Variants in ATP13A4 observed in about 807,000 individuals in gnomAD.
ATP13A4 encodes probable cation-transporting ATPase 13A4.
In ATP13A4, 114 loss-of-function variants were observed where a neutral mutation model predicts 142.5. The observed-to-expected ratio is 0.80, with a 90% CI of 0.69 to 0.93. ATP13A4 has a LOEUF of 0.93. Ranked by LOEUF, ATP13A4 falls within the 40% of genes least tolerant of loss-of-function variation. ATP13A4 has a pLI of 0.00. For missense variants in ATP13A4, 1,392 were observed against 1,454.0 expected, an observed-to-expected ratio of 0.96 and a Z score of 0.69; for synonymous variants, 488 against 514.8, an observed-to-expected ratio of 0.95 and a Z score of 0.70.
chr3:193,490,071 T>C (rs1317352404), intron 6 of ATP13A4, among the ~76,000 whole-genome samples: 1 of 152,204 alleles, frequency 6.6e-6, no homozygotes, highest in Non-Finnish European at 1.5e-5. Context: ...GTTACCTTAT[T>C]AACCAGAAGT....
chr3:193,488,152 T>C (rs1184398625), intron 7 of ATP13A4, among the ~76,000 whole-genome samples: 2 of 152,082 alleles, frequency 1.3e-5, no homozygotes, highest in Non-Finnish European at 2.9e-5. Context: ...TAATCCCAGC[T>C]ACTTAGGCGG....
chr3:193,437,588 A>T (rs1040683238), intron 23 of ATP13A4, among the ~76,000 whole-genome samples: 1 of 152,048 alleles, frequency 6.6e-6, no homozygotes. Flanking sequence ...CTGAACTTCA[A>T]TTGTTTTGTT....
At chr3:193,504,642 AT>A (rs1043768189) in intron 2 of ATP13A4, among the ~76,000 whole-genome samples, 1 of 152,076 alleles carries the variant, frequency 6.6e-6, no homozygotes, top group African/African-American at 2.4e-5. Context: ...TTTATTCTAC[AT>A]TTTGCTAAAA....
intron 15 of ATP13A4, 27 bp from the exon 16 acceptor site, chr3:193,457,180 G>A: frequency 6.2e-7 from 1 of 1,612,212 alleles, no homozygotes; most frequent in Non-Finnish European, 8.5e-7. Context: ...GAAAGGAGAG[G>A]AACATGCTGA....
intron 28 of ATP13A4, 77 bp from the exon 29 acceptor site, chr3:193,407,470 T>C: frequency 1.7e-6 from 2 of 1,152,718 alleles, no homozygotes; most frequent in Admixed American, 1.8e-5. Flanking sequence ...TCACAGCATA[T>C]ATTTTCCTAG....
chr3:193,456,535 G>C (rs976006628), intron 16 of ATP13A4, among the ~76,000 whole-genome samples: 3 of 152,160 alleles, frequency 2.0e-5, no homozygotes, highest in African/African-American at 7.2e-5. Flanking sequence ...TGATCCTAAA[G>C]AAATTTGAGA....
At chr3:193,500,088 C>G (rs1051855003) in intron 3 of ATP13A4, among the ~76,000 whole-genome samples, 1 of 152,154 alleles carries the variant, frequency 6.6e-6, no homozygotes, top group Non-Finnish European at 1.5e-5. Context: ...CCTCTGGAAG[C>G]TGGTAAGAGG....
At chr3:193,466,775 T>A (rs899176860) in intron 10 of ATP13A4, among the ~76,000 whole-genome samples, 13 of 143,784 alleles carry the variant, frequency 9.0e-5, no homozygotes, top group Non-Finnish European at 1.1e-4. Flanking sequence ...GTGAAAATAG[T>A]TTATATACTG....
In ATP13A4 at chr3:193,502,389, A is replaced by G. The variant is rs192318647; in HGVS notation, c.381+104T>C. 195 of 1,349,190 alleles carry G rather than the reference A, an allele frequency of 1.4e-4. No individual in the cohort carries two copies. The East Asian group carries it at 4.4e-3, about 31-fold the overall frequency. The allele number at this position is 1,349,190 out of a possible 1,614,324, so 83.6% of individuals were successfully genotyped here. On this transcript the variant is annotated intron_variant, in intron 3 of 29. Coordinates refer to ENST00000342695, the MANE Select transcript of ATP13A4 (RefSeq NM_032279.4). ...AAAGTTCACATTTTAAATATACACTATCAAATGAGGATTGGCACAGTAGAG... is the reference window on the plus strand; with the variant it reads ...AAAGTTCACATTTTAAATATACACTGTCAAATGAGGATTGGCACAGTAGAG...
At chr3:193,560,270 G>A (rs2108736098) in intron 2 of ATP13A4, among the ~76,000 whole-genome samples, 1 of 151,928 alleles carries the variant, frequency 6.6e-6, no homozygotes, top group East Asian at 1.9e-4. Context: ...GTGCAGAGGT[G>A]CAATCATGGT....
Position 193,466,027 on chromosome 3 carries a change from C to A in ATP13A4, c.1270G>T (p.Gly424Trp). The stretch of plus-strand genomic sequence containing the variant: ...ATAAAAGAGCAAAGACAGCTTACCC[C>A]ACTAAGCACATAGACACACAGAGTA... ...IYTLCVYVLS[G>W]EPPEEVVRKA... Residue 424 changes from glycine (G) to tryptophan (W), a missense_variant and splice_region_variant, in exon 11 of 30, where the codon GGG becomes TGG. Physicochemically the swap from Gly to Trp is radical, Grantham distance 184 (BLOSUM62 -2). Coordinates refer to ENST00000342695, the MANE Select transcript of ATP13A4 (RefSeq NM_032279.4). 1 of 1,613,958 alleles carries A rather than the reference C, an allele frequency of 6.2e-7. No individual in the cohort carries two copies. The highest frequency in any genetic ancestry group is 8.5e-7 in the Non-Finnish European group (1 of 1,179,884).
chr3:193,431,520 C>T (rs1481023784), intron 25 of ATP13A4, among the ~76,000 whole-genome samples: 2 of 151,844 alleles, frequency 1.3e-5, no homozygotes, highest in South Asian at 2.1e-4. Flanking sequence ...ACTTGAAATA[C>T]TCCAAAAGTT....
At chr3:193,556,617 AAGG>A, upstream of ATP13A4, among the ~76,000 whole-genome samples, 1 of 151,816 alleles carries the variant, frequency 6.6e-6, no homozygotes, top group East Asian at 1.9e-4. Flanking sequence ...ATAAGGAGTA[AAGG>A]GTTTATGGGG....
chr3:193,437,514 T>C (rs750085129), intron 23 of ATP13A4, among the ~76,000 whole-genome samples: 3 of 152,162 alleles, frequency 2.0e-5, no homozygotes, highest in Admixed American at 6.5e-5. Flanking sequence ...TTGAATAAAA[T>C]TAATTCTAAG....
intron 2 of ATP13A4, among the ~76,000 whole-genome samples, chr3:193,561,898 C>T (rs1360504886): frequency 1.3e-5 from 2 of 152,196 alleles, no homozygotes; most frequent in African/African-American, 2.4e-5. Context: ...CTATGAAACA[C>T]GCAACCGGAC....
chr3:193,554,953 A>T (rs1335279285), upstream of ATP13A4: 1 of 1,577,974 alleles, frequency 6.3e-7, no homozygotes, highest in Non-Finnish European at 8.6e-7. Context: ...CCTTCTCTCA[A>T]CAAATGACAA....
In ATP13A4 at chr3:193,467,340, C is replaced by T. The variant is rs750178869; in HGVS notation, c.1090G>A (p.Val364Met). The change falls in exon 10 of 30, where the codon GTG (valine) becomes ATG (methionine). Residue 364 changes from valine to methionine, a missense_variant. Val to Met is a conservative substitution (Grantham distance 21). Coordinates refer to ENST00000342695, the MANE Select transcript of ATP13A4 (RefSeq NM_032279.4). ...IQAKAACSGT[V>M]RAVVLQTGFN... ...CCAGTCTGCAGTACCACGGCTCTCA[C>T]GGTCCCAGAGCAAGCTGCCTTGGCC... The T allele has an allele frequency of 2.7e-5, 43 of 1,614,166 alleles. No homozygotes were observed. The highest frequency in any genetic ancestry group is 5.3e-5 in the African/African-American group (4 of 75,044).
At chr3:193,562,735 G>A (rs1454972157) in intron 2 of ATP13A4, among the ~76,000 whole-genome samples, 1 of 152,100 alleles carries the variant, frequency 6.6e-6, no homozygotes, top group Non-Finnish European at 1.5e-5. Context: ...GCCGGGTGTG[G>A]TGGCAGACAC....
At chr3:193,505,637 G>T (rs866380840) in intron 2 of ATP13A4, among the ~76,000 whole-genome samples, 5 of 152,010 alleles carry the variant, frequency 3.3e-5, no homozygotes, top group African/African-American at 1.2e-4. Context: ...AAAAATAAAA[G>T]ATAGGACAGC....
Sources: gnomAD v4.1 joint callset for allele counts (sites outside exome capture counted in the v4.1 genomes callset) on GRCh38, gnomAD v4.1.1 for gene constraint, MANE v1.5 for transcripts, NCBI Gene and HGNC (gene_info 2026-07-23, HGNC 2026-07-21) for gene names.